Variants in GRAMD1B observed in about 807,000 individuals in gnomAD.
GRAMD1B encodes the protein protein Aster-B.
In GRAMD1B, 37 loss-of-function variants were observed where a neutral mutation model predicts 99.7. The observed-to-expected ratio is 0.37, with a 90% CI of 0.29 to 0.49. GRAMD1B has a LOEUF of 0.49. GRAMD1B is among the 20% of genes least tolerant of loss of function. The probability of loss-of-function intolerance (pLI) is 0.98; values close to 1 mark genes in which losing one functional copy is unlikely to be tolerated. For missense variants in GRAMD1B, 888 were observed against 1,009.2 expected, an observed-to-expected ratio of 0.88 and a Z score of 1.63; for synonymous variants, 427 against 387.6, an observed-to-expected ratio of 1.10 and a Z score of -1.19.
intron 2 of GRAMD1B, among the ~76,000 whole-genome samples, chr11:123,555,181 G>A (rs955026392): frequency 1.4e-4 from 21 of 152,286 alleles, no homozygotes; most frequent in East Asian, 5.8e-4. Flanking sequence ...GAAAAGAAGG[G>A]TGGATTTGCA....
intron 6 of GRAMD1B, among the ~76,000 whole-genome samples, chr11:123,595,386 T>C (rs1951151917): frequency 6.6e-6 from 1 of 151,754 alleles, no homozygotes; most frequent in Non-Finnish European, 1.5e-5. Flanking sequence ...CCCCAGCCCC[T>C]GGGTTCAAGC....
intron 1 of GRAMD1B, among the ~76,000 whole-genome samples, chr11:123,397,208 A>C (rs1947496094): frequency 6.6e-6 from 1 of 152,146 alleles, no homozygotes; most frequent in Admixed American, 6.5e-5. Context: ...GTTCGAGACC[A>C]GCCTGGCCAA....
chr11:123,495,399 G>A (rs903302540), intron 2 of GRAMD1B, among the ~76,000 whole-genome samples: 3 of 152,094 alleles, frequency 2.0e-5, no homozygotes, highest in African/African-American at 7.2e-5. Flanking sequence ...CCTCAAGCAT[G>A]TATTCTTTGT....
chr11:123,537,665 G>C (rs1341544379), intron 2 of GRAMD1B, among the ~76,000 whole-genome samples: 1 of 152,164 alleles, frequency 6.6e-6, no homozygotes, highest in Admixed American at 6.5e-5. Flanking sequence ...TCACGTTCTT[G>C]CTTTCTTTGA....
chr11:123,486,235 C>A (rs1376287351), intron 2 of GRAMD1B, among the ~76,000 whole-genome samples: 1 of 152,184 alleles, frequency 6.6e-6, no homozygotes, highest in Non-Finnish European at 1.5e-5. Context: ...CCAGATCTTA[C>A]ACCCTTCTGT....
Position 123,605,390 on chromosome 11 carries a change from C to T in GRAMD1B, c.1235C>T (p.Thr412Ile). Residue 412 changes from threonine (T) to isoleucine (I), a missense_variant, in exon 10 of 20, where the codon ACC becomes ATC. By Grantham distance (89) the Thr-to-Ile change is moderately conservative (BLOSUM62 -1). Coordinates refer to ENST00000635736, the MANE Select transcript of GRAMD1B (RefSeq NM_001387025.1). Reference protein sequence around the residue: ...NDSSSKSSIETKPDASPQLPK... With the variant: ...NDSSSKSSIEIKPDASPQLPK... ...AGCTCATCCAAGAGCAGCATAGAGA[C>T]CAAGCCAGATGCCAGTCCACAGCTG... 6.2e-7 allele frequency: 1 copy of T among 1,613,226 alleles called. No homozygotes were observed. Among genetic ancestry groups the T allele is most frequent in the Non-Finnish European group, 8.5e-7 (1 of 1,179,368 alleles).
chr11:123,429,115 C>A (rs1313746448), upstream of GRAMD1B, among the ~76,000 whole-genome samples: 3 of 152,110 alleles, frequency 2.0e-5, no homozygotes, highest in African/African-American at 4.8e-5. This position sits in a 1 kb window ranked among gnomAD's most constrained non-coding sequence, Gnocchi z 4.0. Context: ...ACAGCTTGAG[C>A]CCAGGAATTC....
At chr11:123,572,938 C>T (rs564317698) in intron 2 of GRAMD1B, among the ~76,000 whole-genome samples, 3 of 148,986 alleles carry the variant, frequency 2.0e-5, no homozygotes, top group South Asian at 2.1e-4. Context: ...AAAGAGGCCC[C>T]GATGGCTGGG....
intron 2 of GRAMD1B, among the ~76,000 whole-genome samples, chr11:123,554,227 C>T (rs565925610): frequency 2.0e-5 from 3 of 152,150 alleles, no homozygotes; most frequent in African/African-American, 4.8e-5. Context: ...CTGCCTGGCT[C>T]ATAGTATACT....
chr11:123,522,078 A>C (rs1215147289), intron 2 of GRAMD1B, among the ~76,000 whole-genome samples: 1 of 152,188 alleles, frequency 6.6e-6, no homozygotes, highest in Non-Finnish European at 1.5e-5. Flanking sequence ...GTCAGGAAGC[A>C]GCCAGATTGC....
intron 2 of GRAMD1B, among the ~76,000 whole-genome samples, chr11:123,549,063 T>C (rs1220932715): frequency 1.1e-4 from 17 of 151,948 alleles, no homozygotes; most frequent in Admixed American, 1.1e-3. Context: ...GGAGAGGTAG[T>C]TAGTTGGAGG....
In GRAMD1B at chr11:123,385,791, C is replaced by T. The variant is rs1002171425; in HGVS notation, c.-176+26992C>T. Among the ~76,000 whole-genome samples, 3 of 152,270 alleles carry T rather than the reference C, an allele frequency of 2.0e-5. No individual in the cohort carries two copies. The South Asian group carries it at 6.2e-4, about 32-fold the overall frequency. On this transcript the variant is annotated intron_variant, in intron 1 of 20. Coordinates refer to the GRAMD1B transcript ENST00000638157. The stretch of plus-strand genomic sequence containing the variant: ...GAATTACAACTTTAACCCAAGAACC[C>T]TTTATTGTGGTCATGGGATGAGTCC...
chr11:123,437,687 A>T (rs1315072343), intron 1 of GRAMD1B, among the ~76,000 whole-genome samples: 1 of 152,134 alleles, frequency 6.6e-6, no homozygotes, highest in Non-Finnish European at 1.5e-5. Context: ...GCCGCTCACT[A>T]ATTGTGCCCA....
Position 123,600,701 on chromosome 11 carries a change from G to A in GRAMD1B, c.1050+153G>A, listed in dbSNP as rs1392040030. ...AAGTAGCATATAATCTCCCACGAAT[G>A]GCCTCAACACCCCCAGGAGTAAGGC... On this transcript the variant is annotated intron_variant, in intron 8 of 19. Coordinates refer to ENST00000635736, the MANE Select transcript of GRAMD1B (RefSeq NM_001387025.1). Among the ~76,000 whole-genome samples, 7 of 152,268 alleles carry A rather than the reference G, an allele frequency of 4.6e-5. No individual in the cohort carries two copies. In the East Asian group the frequency reaches 1.4e-3, roughly 29 times the overall value.
In GRAMD1B at chr11:123,606,593, T is replaced by G; in HGVS notation, c.1324-16T>G. 2 of 1,602,132 alleles carry G rather than the reference T, an allele frequency of 1.2e-6. No individual in the cohort carries two copies. Among genetic ancestry groups the G allele is most frequent in the Non-Finnish European group, 1.7e-6 (2 of 1,174,654 alleles). ...CCAGGTTTCCCTGGTGGGTGACTCC[T>G]CTGTCTTGGCTCCAGTTTGATGGGC... On this transcript the variant is annotated splice_polypyrimidine_tract_variant and intron_variant, in intron 10 of 19. Coordinates refer to ENST00000635736, the MANE Select transcript of GRAMD1B (RefSeq NM_001387025.1).
chr11:123,450,907 G>T (rs1314989617), intron 1 of GRAMD1B, among the ~76,000 whole-genome samples: 1 of 152,188 alleles, frequency 6.6e-6, no homozygotes, highest in African/African-American at 2.4e-5. Flanking sequence ...AGAGCTGCCA[G>T]AAATGGCCCT....
chr11:123,364,696 C>G (rs1312760582), intron 1 of GRAMD1B, among the ~76,000 whole-genome samples: 1 of 152,142 alleles, frequency 6.6e-6, no homozygotes, highest in Non-Finnish European at 1.5e-5. Flanking sequence ...TCTTTCAGGT[C>G]TCTCTGCTCA....
intron 1 of GRAMD1B, among the ~76,000 whole-genome samples, chr11:123,479,746 A>C (rs935980941): frequency 6.6e-6 from 1 of 152,322 alleles, no homozygotes; most frequent in African/African-American, 2.4e-5. Context: ...CTCAGCTCTG[A>C]CATGGTAGCA....
At chr11:123,584,098 G>A (rs901234038) in intron 3 of GRAMD1B, among the ~76,000 whole-genome samples, 2 of 151,874 alleles carry the variant, frequency 1.3e-5, no homozygotes, top group Non-Finnish European at 1.5e-5. Flanking sequence ...CCCCGCCCGC[G>A]GTGGGCTTCC....
Sources: allele counts gnomAD v4.1 joint callset (sites outside exome capture counted in the v4.1 genomes callset), GRCh38; gene constraint gnomAD v4.1.1; non-coding constraint Gnocchi (gnomAD v3.1); transcripts MANE v1.5; gene names NCBI Gene and HGNC (gene_info 2026-07-23, HGNC 2026-07-21).